Variants in BPTF observed in about 807,000 individuals in gnomAD.
BPTF encodes bromodomain PHD finger transcription factor.
A neutral mutation model predicts 292.5 loss-of-function variants in BPTF; 18 were observed. The observed-to-expected ratio is 0.06, with a 90% confidence interval of 0.04 to 0.09. The LOEUF is 0.09. BPTF is among the 10% of genes least tolerant of loss of function. The probability of loss-of-function intolerance (pLI) is 1.00; values close to 1 mark genes in which losing one functional copy is unlikely to be tolerated. For synonymous variants in BPTF, 1,225 were observed against 1,251.9 expected, an observed-to-expected ratio of 0.98 and a Z score of 0.45; for missense variants, 2,726 against 3,498.7, an observed-to-expected ratio of 0.78 and a Z score of 5.57.
At chr17:67,972,329 G>A (rs987071536) in intron 26 of BPTF, among the ~76,000 whole-genome samples, 2 of 151,932 alleles carry the variant, frequency 1.3e-5, no homozygotes, top group Non-Finnish European at 2.9e-5. Context: ...TCTGCCACCC[G>A]GGTTCAACCG....
intron 1 of BPTF, among the ~76,000 whole-genome samples, chr17:67,837,498 C>T (rs1355504877): frequency 6.6e-6 from 1 of 151,928 alleles, no homozygotes; most frequent in Admixed American, 6.6e-5. Context: ...ACCTCCACCT[C>T]CTTGGTCCAA....
At chr17:67,947,681 T>G (rs1555676120) in intron 21 of BPTF, 45 bp from the exon 22 acceptor site, 1 of 1,437,138 alleles carries the variant, frequency 7.0e-7, no homozygotes, top group East Asian at 2.5e-5. Flanking sequence ...TACTAACCTG[T>G]GGTGATTATA....
intron 4 of BPTF, among the ~76,000 whole-genome samples, chr17:67,881,308 G>A (rs907179717): frequency 1.3e-5 from 2 of 152,054 alleles, no homozygotes; most frequent in African/African-American, 4.8e-5. Context: ...AGTTTCAACT[G>A]TCTTTGGCAA....
At chr17:67,866,933 C>A (rs530696504) in intron 3 of BPTF, among the ~76,000 whole-genome samples, 94 of 152,308 alleles carry the variant, frequency 6.2e-4, no homozygotes, top group Non-Finnish European at 8.2e-4. Flanking sequence ...AGGCTGCAAA[C>A]CTGTACGTCA....
chr17:67,901,543 CTTGA>C (rs2061843657), intron 7 of BPTF, among the ~76,000 whole-genome samples: 1 of 152,162 alleles, frequency 6.6e-6, no homozygotes, highest in African/African-American at 2.4e-5. Flanking sequence ...GGAAAATTTT[CTTGA>C]TTGACAAAGA....
At chr17:67,963,886 T>G (rs1259619462) in intron 24 of BPTF, among the ~76,000 whole-genome samples, 1 of 152,238 alleles carries the variant, frequency 6.6e-6, no homozygotes, top group Non-Finnish European at 1.5e-5. Context: ...TATTAGCTTA[T>G]AGGATTTTGA....
Position 67,959,726 on chromosome 17 carries a change from A to G in BPTF, c.8112A>G (p.Leu2704=), listed in dbSNP as rs782098781. ...CAGGCCTTCTGTCCACGCCCACCTTACCTGCTGCTTCCCAGAAGAGGAAGC... is the reference window on the plus strand; with the variant it reads ...CAGGCCTTCTGTCCACGCCCACCTTGCCTGCTGCTTCCCAGAAGAGGAAGC... ...QHTGLLSTPT[L]PAASQKRKRE... Residue 2704 remains leucine, a synonymous_variant, in exon 24 of 28, where the codon TTA becomes TTG. Coordinates refer to ENST00000306378, the MANE Select transcript of BPTF (RefSeq NM_182641.4). 4 of 1,609,504 alleles carry G rather than the reference A, an allele frequency of 2.5e-6. No individual in the cohort carries two copies. The highest frequency in any genetic ancestry group is 2.3e-5 in the East Asian group (1 of 44,408).
intron 24 of BPTF, 194 bp downstream of exon 24, chr17:67,960,069 T>G: frequency 2.0e-6 from 1 of 504,456 alleles, no homozygotes. Flanking sequence ...TTTCACGTGT[T>G]TGTGATTGTC....
intron 27 of BPTF, chr17:67,977,997 G>A (rs1274108195): frequency 1.3e-5 from 2 of 150,202 alleles, no homozygotes; most frequent in African/African-American, 4.9e-5. Flanking sequence ...TGGGATTACA[G>A]GCATGTGCCA....
intron 27 of BPTF, 84 bp downstream of exon 27, chr17:67,976,042 G>A: frequency 9.2e-7 from 1 of 1,082,634 alleles, no homozygotes; most frequent in Non-Finnish European, 1.3e-6. Context: ...AACCAGTGCA[G>A]TTTATGGTAA....
At chr17:67,975,043 C>A (rs1475402168) in intron 26 of BPTF, 1 of 152,174 alleles carries the variant, frequency 6.6e-6, no homozygotes, top group Non-Finnish European at 1.5e-5. Flanking sequence ...TTCCAACCAC[C>A]AGTCATTAAC....
At chr17:67,836,242 T>G (rs1298030706) in intron 1 of BPTF, among the ~76,000 whole-genome samples, 1 of 152,168 alleles carries the variant, frequency 6.6e-6, no homozygotes, top group African/African-American at 2.4e-5. Context: ...TTAGACTTCT[T>G]TCTACTCATG....
In BPTF at chr17:67,825,621, C is replaced by T. The variant is rs1424415559; in HGVS notation, c.-104C>T. 7.1e-6 allele frequency: 2 copies of T among 282,080 alleles called. No homozygotes were observed. Among genetic ancestry groups the T allele is most frequent in the Non-Finnish European group, 7.2e-6 (1 of 138,076 alleles). The allele number at this position is 282,080 out of a possible 1,614,324, so 17.5% of individuals were successfully genotyped here. A position where few individuals can be genotyped will look rare whatever the true frequency, so the allele number is the denominator to read the frequency against. On this transcript the variant is annotated 5_prime_UTR_variant, in exon 1 of 28. Transcript: ENST00000306378. Reference sequence around the variant, plus strand: ...GCTTCCGTCGGCCGGGCCCCTCCCGCCCGGCCCCGCGGGCCTCCCCACCCG... The same window carrying T: ...GCTTCCGTCGGCCGGGCCCCTCCCGTCCGGCCCCGCGGGCCTCCCCACCCG...
At position 67,940,689 on chromosome 17, in the gene BPTF, G is replaced by T. The variant is rs193243275; in HGVS notation, c.6477+33G>T. On this transcript the variant is annotated intron_variant, in intron 19 of 27. Transcript: ENST00000306378. ...ACATAAGCTTTATTTTAACTTTAGA[G>T]GTGATCTTATTTATTCTTGCGGTAA... The T allele has an allele frequency of 5.3e-3, 8,342 of 1,579,640 alleles. 27 individuals are homozygous for T. Among genetic ancestry groups the T allele is most frequent in the Non-Finnish European group, 6.7e-3 (7,716 of 1,151,108 alleles).
chr17:67,922,740 T>A, intron 13 of BPTF, 100 bp from the exon 14 acceptor site: 2 of 1,321,342 alleles, frequency 1.5e-6, no homozygotes, highest in Non-Finnish European at 2.0e-6. Context: ...ATCTGGCTAT[T>A]TAAGAAGTTT....
In BPTF at chr17:67,984,087, T is replaced by A. The variant is rs577077240; in HGVS notation, c.*1799T>A. On this transcript the variant is annotated 3_prime_UTR_variant, in exon 28 of 28. Coordinates refer to ENST00000306378, the MANE Select transcript of BPTF (RefSeq NM_182641.4). ...GGGTTATTTTGTCCTTTTACTTTTT[T>A]AAAAAATGTTACATATTGTATGCAC... 30 of 152,738 alleles carry A rather than the reference T, an allele frequency of 2.0e-4. No homozygotes were observed. Among genetic ancestry groups the A allele is most frequent in the Middle Eastern group, 6.8e-3 (2 of 294 alleles). The allele number at this position is 152,738 out of a possible 1,614,324, so 9.5% of individuals were successfully genotyped here.
At chr17:67,881,629 G>A (rs558538949) in intron 4 of BPTF, among the ~76,000 whole-genome samples, 10 of 148,444 alleles carry the variant, frequency 6.7e-5, no homozygotes, top group East Asian at 2.0e-4. Context: ...TTAGCCTCCC[G>A]AGTAGCCAGG....
At chr17:67,918,568 C>T (rs1170245689) in intron 11 of BPTF, 146 bp from the exon 12 acceptor site, 3 of 629,806 alleles carry the variant, frequency 4.8e-6, no homozygotes, top group East Asian at 3.3e-5. Flanking sequence ...CATATAATAC[C>T]AAAGTCTTAC....
At chr17:67,969,327 G>A (rs912553033) in intron 26 of BPTF, among the ~76,000 whole-genome samples, 6 of 150,092 alleles carry the variant, frequency 4.0e-5, no homozygotes, top group Non-Finnish European at 8.8e-5. Context: ...GGTGGCGGGT[G>A]CCTGTACCCA....
Sources: gnomAD v4.1 joint callset for allele counts (sites outside exome capture counted in the v4.1 genomes callset) on GRCh38, gnomAD v4.1.1 for gene constraint, MANE v1.5 for transcripts, NCBI Gene and HGNC (gene_info 2026-07-23, HGNC 2026-07-21) for gene names.